The following CCDC7 variants were observed in gnomAD, a reference collection of about 807,000 sequenced individuals.
CCDC7 encodes coiled-coil domain-containing protein 7.
In CCDC7, 183 loss-of-function variants were observed where a neutral mutation model predicts 196.9. The observed-to-expected ratio is 0.93, with a 90% confidence interval of 0.82 to 1.05. The LOEUF is 1.05. Ranked by LOEUF, CCDC7 falls within the 50% of genes least tolerant of loss-of-function variation. The pLI, the probability that CCDC7 is intolerant of heterozygous loss-of-function variation, is 0.00. For synonymous variants in CCDC7, 525 were observed against 484.6 expected (o/e 1.08, Z -1.10); for missense variants, 1,540 against 1,482.2 (o/e 1.04, Z -0.64).
At chr10:32,776,466 G>A (rs897469533) in intron 28 of CCDC7, among the ~76,000 whole-genome samples, 5 of 151,826 alleles carry the variant, frequency 3.3e-5, no homozygotes, top group Non-Finnish European at 4.4e-5. Context: ...AACATACTCA[G>A]TCTCAGTAGA....
intron 9 of CCDC7, among the ~76,000 whole-genome samples, chr10:32,495,907 G>GT (rs1357962611): frequency 3.3e-5 from 5 of 151,924 alleles, no homozygotes; most frequent in Middle Eastern, 6.8e-3. Flanking sequence ...ATTTAAAGTA[G>GT]TTTTTTTTCT....
intron 9 of CCDC7, among the ~76,000 whole-genome samples, chr10:32,517,237 TA>T (rs145586037): frequency 6.6e-6 from 1 of 152,100 alleles, no homozygotes; most frequent in Non-Finnish European, 1.5e-5. Flanking sequence ...CATTAGCGCT[TA>T]AAAAAACTGG....
At chr10:32,583,383 A>G (rs1365578848) in intron 17 of CCDC7, 76 bp downstream of exon 18, 2 of 976,252 alleles carry the variant, frequency 2.0e-6, no homozygotes, top group Admixed American at 4.3e-5. Flanking sequence ...ACCCATTTAA[A>G]TGGGTTAAAA....
chr10:32,464,764 G>A (rs915306163), intron 5 of CCDC7, among the ~76,000 whole-genome samples: 14 of 152,044 alleles, frequency 9.2e-5, no homozygotes, highest in Non-Finnish European at 1.9e-4. Flanking sequence ...CCTTGCCTCC[G>A]CCTCCCAAAG....
chr10:32,774,698 C>T (rs74391707), intron 28 of CCDC7, among the ~76,000 whole-genome samples: 8,063 of 152,194 alleles, frequency 0.053, 714 homozygotes, highest in African/African-American at 0.18. Flanking sequence ...ATCTTGCTTA[C>T]ACCACTCTGT....
intron 18 of CCDC7, 137 bp downstream of exon 19, chr10:32,584,441 A>G: frequency 7.8e-6 from 4 of 516,074 alleles, no homozygotes; most frequent in South Asian, 7.8e-5. Flanking sequence ...ATAGCATACA[A>G]ATATAACGAC....
At chr10:32,706,551 A>C (rs769806988) in intron 24 of CCDC7, among the ~76,000 whole-genome samples, 2 of 152,092 alleles carry the variant, frequency 1.3e-5, no homozygotes, top group Non-Finnish European at 2.9e-5. Flanking sequence ...TGAAACAGTC[A>C]ACAGAATAGA....
intron 30 of CCDC7, among the ~76,000 whole-genome samples, chr10:32,813,075 C>A (rs1488058587): frequency 6.6e-6 from 1 of 151,380 alleles, no homozygotes; most frequent in African/African-American, 2.4e-5. Flanking sequence ...TTCATGTATT[C>A]ACCAATTTTC....
At chr10:32,584,383 G>A (rs547796974) in intron 18 of CCDC7, 79 bp downstream of exon 19, 5 of 942,408 alleles carry the variant, frequency 5.3e-6, no homozygotes, top group South Asian at 1.8e-5. Context: ...AAATAAATGA[G>A]GGGAAAACAT....
chr10:32,792,149 A>C (rs2082803407), intron 29 of CCDC7, among the ~76,000 whole-genome samples: 1 of 152,194 alleles, frequency 6.6e-6, no homozygotes, highest in Non-Finnish European at 1.5e-5. Context: ...TACAAACAAA[A>C]CGTGAGGGAA....
At chr10:32,869,558 C>T (rs1010771544) in intron 41 of CCDC7, among the ~76,000 whole-genome samples, 2 of 152,142 alleles carry the variant, frequency 1.3e-5, no homozygotes, top group African/African-American at 2.4e-5. Flanking sequence ...TGCAGAAGCT[C>T]TTTCGTTTAA....
intron 18 of CCDC7, among the ~76,000 whole-genome samples, chr10:32,615,995 T>C (rs1278316767): frequency 6.6e-6 from 1 of 152,124 alleles, no homozygotes; most frequent in Non-Finnish European, 1.5e-5. Flanking sequence ...TATATTGTTC[T>C]TTATTCTCTT....
At chr10:32,811,224 G>A (rs1254144895) in intron 30 of CCDC7, among the ~76,000 whole-genome samples, 1 of 151,784 alleles carries the variant, frequency 6.6e-6, no homozygotes, top group Admixed American at 6.6e-5. Flanking sequence ...AAAACTTGGT[G>A]TTTTAAAAAG....
At chr10:32,726,703 A>T (rs1404547090) in intron 25 of CCDC7, 31 bp from the exon 27 acceptor site, 1 of 1,295,976 alleles carries the variant, frequency 7.7e-7, no homozygotes. Flanking sequence ...TAGCGGACTA[A>T]ATGTATCTCT....
chr10:32,567,554 G>C, intron 14 of CCDC7, 116 bp from the exon 16 acceptor site: 2 of 1,212,084 alleles, frequency 1.7e-6, no homozygotes, highest in Middle Eastern at 2.9e-4. Context: ...CTTCAACTCA[G>C]TAAAAATGAG....
chr10:32,462,607 G>T, intron 3 of CCDC7, 76 bp from the exon 5 acceptor site: 1 of 1,152,446 alleles, frequency 8.7e-7, no homozygotes, highest in South Asian at 1.7e-5. Flanking sequence ...AATTGCAAAA[G>T]ACTGAACTAA....
At chr10:32,445,772 A>G (rs2030779311), upstream of CCDC7, among the ~76,000 whole-genome samples, 1 of 152,318 alleles carries the variant, frequency 6.6e-6, no homozygotes, top group African/African-American at 2.4e-5. Flanking sequence ...TAGAGTGGTA[A>G]TGAACTCCAC....
chr10:32,711,477 G>A, intron 24 of CCDC7, 143 bp from the exon 26 acceptor site: 1 of 521,758 alleles, frequency 1.9e-6, no homozygotes. Context: ...CCATTTTCAT[G>A]TCAGAGCTAG....
In CCDC7 at chr10:32,645,942, A is replaced by G. The variant is rs11009016; in HGVS notation, c.2014+10784A>G. Among the ~76,000 whole-genome samples, 509 of 151,964 alleles carry G rather than the reference A, an allele frequency of 3.3e-3. 1 individual carries two copies. The highest frequency in any genetic ancestry group is 0.011 in the African/African-American group (472 of 41,524). On this transcript the variant is annotated intron_variant, in intron 20 of 41. Transcript: ENST00000639629. ...ATTTCCTCACTTTTATTTTTAGTCT[A>G]TCTAAAGGTTTGTCAAGTTTGTTTA...
Sources: allele counts gnomAD v4.1 joint callset (sites outside exome capture counted in the v4.1 genomes callset), GRCh38; gene constraint gnomAD v4.1.1; transcripts MANE v1.5; gene names NCBI Gene and HGNC (gene_info 2026-07-23, HGNC 2026-07-21).